Variants in RAP1GAP2 observed in about 807,000 individuals in gnomAD.
The protein encoded by RAP1GAP2 is rap1 GTPase-activating protein 2.
In RAP1GAP2, 27 loss-of-function variants were observed where a neutral mutation model predicts 95.0. The ratio of observed to expected loss-of-function variants is 0.28; its 90% CI spans 0.21 to 0.39. The LOEUF (loss-of-function observed/expected upper bound fraction) is 0.39. Ranked by LOEUF, RAP1GAP2 falls within the 10% of genes least tolerant of loss-of-function variation. The pLI is 1.00. For missense variants in RAP1GAP2, 771 were observed against 970.0 expected, an observed-to-expected ratio of 0.79 and a Z score of 2.72; for synonymous variants, 373 against 380.9, an observed-to-expected ratio of 0.98 and a Z score of 0.24.
intron 3 of RAP1GAP2, among the ~76,000 whole-genome samples, chr17:2,936,050 C>T (rs968556392): frequency 2.4e-4 from 36 of 151,572 alleles, no homozygotes; most frequent in Non-Finnish European, 1.5e-4. Flanking sequence ...GTGCGCAGAC[C>T]GCCATCTCCT....
At chr17:2,767,328 C>T (rs1219957329) in intron 1 of RAP1GAP2, among the ~76,000 whole-genome samples, 2 of 137,132 alleles carry the variant, frequency 1.5e-5, no homozygotes, top group Non-Finnish European at 3.0e-5. Context: ...TGCCACTGCA[C>T]TCCAGCCTGG....
Position 2,995,503 on chromosome 17 carries a change from G to A in RAP1GAP2, c.1044+37G>A, listed in dbSNP as rs371178374. Reference sequence around the variant, plus strand: ...TGGGAGGGCTTTGGGAGCCCAGGGCGGGCGAGGTGAGGGCCTGCCTCTGGT... The same window carrying A: ...TGGGAGGGCTTTGGGAGCCCAGGGCAGGCGAGGTGAGGGCCTGCCTCTGGT... On this transcript the variant is annotated intron_variant, in intron 13 of 24. Coordinates refer to ENST00000254695, the MANE Select transcript of RAP1GAP2 (RefSeq NM_015085.5). 86 of 1,611,044 alleles carry A rather than the reference G, an allele frequency of 5.3e-5. No individual in the cohort carries two copies. In the African/African-American group the frequency reaches 7.2e-4, roughly 13 times the overall value.
intron 3 of RAP1GAP2, among the ~76,000 whole-genome samples, chr17:2,917,378 C>G (rs964754322): frequency 1.3e-5 from 2 of 152,040 alleles, no homozygotes; most frequent in African/African-American, 4.8e-5. Context: ...TCAAGCAATT[C>G]TCCTGCCTCA....
At position 2,897,333 on chromosome 17, in the gene RAP1GAP2, C is replaced by T. The variant is rs76894134; in HGVS notation, c.81-7951C>T. On this transcript the variant is annotated intron_variant, in intron 2 of 24. Coordinates refer to ENST00000254695, the MANE Select transcript of RAP1GAP2 (RefSeq NM_015085.5). ...AACCTGGGCAACAAGAGTGAAACTC[C>T]GTCTCAAAACCAAAAACAAACAAAC... 4.3e-4 allele frequency among the ~76,000 whole-genome samples: 66 copies of T among 152,036 alleles called. No homozygotes were observed. In the East Asian group the frequency reaches 0.011, roughly 26 times the overall value.
intron 17 of RAP1GAP2, among the ~76,000 whole-genome samples, chr17:3,015,816 G>A (rs535318243): frequency 2.2e-5 from 2 of 90,670 alleles, no homozygotes; most frequent in African/African-American, 4.1e-5. Flanking sequence ...GCTAGACTCT[G>A]TCTCAGAAAA....
intron 2 of RAP1GAP2, among the ~76,000 whole-genome samples, chr17:2,847,326 A>G (rs1318504151): frequency 6.6e-6 from 1 of 152,136 alleles, no homozygotes; most frequent in Non-Finnish European, 1.5e-5. Flanking sequence ...TCTTTAAAGG[A>G]CAACAGCATT....
Position 3,030,956 on chromosome 17 carries a change from G to C in RAP1GAP2, c.2142G>C (p.Leu714=), listed in dbSNP as rs771757568. 5 of 1,611,300 alleles carry C rather than the reference G, an allele frequency of 3.1e-6. No individual in the cohort carries two copies. The Admixed American group carries it at 5.0e-5, about 16-fold the overall frequency. ...AKSRNSPRSN[L]KFRFDKLSHA... ...GCAGAAACTCCCCGAGATCGAACCT[G>C]AAATTCCGCTTTGACAAGCTCAGCC... is the stretch of plus-strand genomic sequence containing the variant. Residue 714 remains leucine (L), a synonymous_variant, in exon 23 of 25, where the codon CTG becomes CTC. Coordinates refer to ENST00000254695, the MANE Select transcript of RAP1GAP2 (RefSeq NM_015085.5).
intron 2 of RAP1GAP2, among the ~76,000 whole-genome samples, chr17:2,814,431 G>A (rs932692086): frequency 6.6e-5 from 10 of 152,084 alleles, no homozygotes; most frequent in East Asian, 1.9e-4. Context: ...CAACCTGCCC[G>A]TCCTTCCAGG....
At chr17:2,939,286 C>G (rs532492947) in intron 3 of RAP1GAP2, among the ~76,000 whole-genome samples, 3 of 152,156 alleles carry the variant, frequency 2.0e-5, no homozygotes, top group Admixed American at 2.0e-4. Flanking sequence ...GACGGGCTTT[C>G]GCCATGTTGG....
intron 3 of RAP1GAP2, among the ~76,000 whole-genome samples, chr17:2,944,144 T>C (rs2043617043): frequency 1.5e-5 from 2 of 131,906 alleles, no homozygotes; most frequent in Non-Finnish European, 3.1e-5. Flanking sequence ...CGAGACTCCG[T>C]CTCAAAACAG....
At chr17:2,757,727 C>T (rs1167851596) in intron 1 of RAP1GAP2, among the ~76,000 whole-genome samples, 2 of 152,118 alleles carry the variant, frequency 1.3e-5, no homozygotes, top group Admixed American at 1.3e-4. Context: ...CCCAGACCTT[C>T]CAGATCAGTT....
chr17:2,962,993 C>CTG, intron 5 of RAP1GAP2: 1 of 549,026 alleles, frequency 1.8e-6, no homozygotes, highest in Non-Finnish European at 3.2e-6. Context: ...CTTCCCTACC[C>CTG]TGTGCAGTGT....
chr17:2,885,183 C>G lies in RAP1GAP2; in HGVS notation c.81-20101C>G, dbSNP rs559234616. 2.0e-5 allele frequency among the ~76,000 whole-genome samples: 3 copies of G among 152,202 alleles called. No homozygotes were observed. In the South Asian group the frequency reaches 6.2e-4, roughly 32 times the overall value. ...CCAGTAGTTGGATTACAGGCACCCGCCACCACGCCTGACTAATTTTTTGTA... is the reference window on the plus strand; with the variant it reads ...CCAGTAGTTGGATTACAGGCACCCGGCACCACGCCTGACTAATTTTTTGTA... On this transcript the variant is annotated intron_variant, in intron 2 of 24. Transcript: ENST00000254695.
intron 1 of RAP1GAP2, among the ~76,000 whole-genome samples, chr17:2,765,518 TC>T (rs1426041141): frequency 6.6e-6 from 1 of 152,032 alleles, no homozygotes; most frequent in African/African-American, 2.4e-5. Context: ...GGCAGGCGGA[TC>T]ATTTGAGGTC....
Position 2,906,123 on chromosome 17 carries a change from CTG to C in RAP1GAP2, c.165+758_165+759del. Reference sequence around the variant, plus strand: ...CCTGCCTCCCTCCTTCCTTCACACTCTGTGGAGTGAGTGAGGACTAGTGCTGA... The same window carrying C: ...CCTGCCTCCCTCCTTCCTTCACACTCTGGAGTGAGTGAGGACTAGTGCTGA... On this transcript the variant is annotated intron_variant, in intron 3 of 24. Coordinates refer to ENST00000254695, the MANE Select transcript of RAP1GAP2 (RefSeq NM_015085.5). The surrounding 1 kb of genome is among the most constrained non-coding windows in gnomAD (Gnocchi z 4.3). 6.6e-6 allele frequency among the ~76,000 whole-genome samples: 1 copy of C among 151,992 alleles called. No homozygotes were observed. Among genetic ancestry groups the C allele is most frequent in the East Asian group, 1.9e-4 (1 of 5,166 alleles).
At chr17:2,985,429 C>G (rs568089938) in intron 11 of RAP1GAP2, among the ~76,000 whole-genome samples, 2 of 152,322 alleles carry the variant, frequency 1.3e-5, no homozygotes, top group South Asian at 4.1e-4. Context: ...TTTCTCCCCA[C>G]TGGGAATTAG....
intron 3 of RAP1GAP2, among the ~76,000 whole-genome samples, chr17:2,923,485 C>T (rs1192249299): frequency 1.1e-4 from 16 of 151,694 alleles, no homozygotes; most frequent in Admixed American, 5.9e-4. Context: ...CATACCACCA[C>T]GCCTGGCTAA....
intron 3 of RAP1GAP2, among the ~76,000 whole-genome samples, chr17:2,927,448 C>T (rs763021286): frequency 3.3e-5 from 5 of 152,204 alleles, no homozygotes; most frequent in African/African-American, 4.8e-5. Context: ...CCACCGCGCC[C>T]GGCTGAGCAA....
intron 1 of RAP1GAP2, among the ~76,000 whole-genome samples, chr17:2,780,128 G>A (rs1046192261): frequency 3.3e-5 from 5 of 152,128 alleles, no homozygotes; most frequent in Admixed American, 1.3e-4. Flanking sequence ...TCGGCTCACC[G>A]CAACCTCCGC....
Sources: allele counts gnomAD v4.1 joint callset (sites outside exome capture counted in the v4.1 genomes callset), GRCh38; gene constraint gnomAD v4.1.1; non-coding constraint Gnocchi (gnomAD v3.1); transcripts MANE v1.5; gene names NCBI Gene and HGNC (gene_info 2026-07-23, HGNC 2026-07-21).